Variants in UBE4B observed in about 807,000 individuals in gnomAD.
UBE4B encodes the protein ubiquitin conjugation factor E4 B.
A neutral mutation model predicts 148.1 loss-of-function variants in UBE4B; 27 were observed. The ratio of observed to expected loss-of-function variants is 0.18; its 90% CI spans 0.13 to 0.25. The LOEUF is 0.25. Ranked by LOEUF, UBE4B falls within the 10% of genes least tolerant of loss-of-function variation. UBE4B has a pLI of 1.00. For synonymous variants in UBE4B, 596 were observed against 619.3 expected (o/e 0.96, Z 0.56); for missense variants, 1,170 against 1,662.4 (o/e 0.70, Z 5.15).
At position 10,129,395 on chromosome 1, in the gene UBE4B, C is replaced by G. The variant is rs1318897112; in HGVS notation, c.1642C>G (p.Leu548Val). Residue 548 changes from leucine to valine, a missense_variant, in exon 12 of 28, where the codon CTA becomes GTA. Around this residue, in one of 6 missense-constraint regions of UBE4B, gnomAD observed 388 missense variants for 536.0 expected, o/e 0.72. Transcript: ENST00000343090. ...ATGACTCTGATCTTATTTCTAGGCA[C>G]TAGGTGAGCTCTGTGAAACCAAGTT... ...SDYFKYPLMALGELCETKFGK... is the reference protein window; with the variant it reads ...SDYFKYPLMAVGELCETKFGK... 1 of 1,611,424 alleles carries G rather than the reference C, an allele frequency of 6.2e-7. No homozygotes were observed. The highest frequency in any genetic ancestry group is 2.2e-5 in the East Asian group (1 of 44,808).
chr1:10,069,638 G>A (rs1644450319), intron 1 of UBE4B, among the ~76,000 whole-genome samples: 1 of 152,112 alleles, frequency 6.6e-6, no homozygotes. Context: ...AGGTTCAAGC[G>A]ATTCTCCTGC....
At chr1:10,039,081 C>A (rs995500831) in intron 1 of UBE4B, among the ~76,000 whole-genome samples, 4 of 150,038 alleles carry the variant, frequency 2.7e-5, no homozygotes, top group Non-Finnish European at 5.9e-5. Context: ...AACAAAAAAA[C>A]ACACACACAG....
chr1:10,137,356 G>T, intron 17 of UBE4B, 151 bp downstream of exon 17: 2 of 1,013,278 alleles, frequency 2.0e-6, no homozygotes, highest in Non-Finnish European at 2.9e-6. Context: ...CATCCATGTT[G>T]CTCAGTTGTC....
At chr1:10,084,783 C>CA (rs1312059392) in intron 2 of UBE4B, among the ~76,000 whole-genome samples, 4 of 151,576 alleles carry the variant, frequency 2.6e-5, no homozygotes, top group Admixed American at 6.6e-5. Flanking sequence ...CTGTAGCCTC[C>CA]ACCTCCCAGG....
intron 2 of UBE4B, among the ~76,000 whole-genome samples, chr1:10,075,023 T>C (rs932370820): frequency 6.6e-6 from 1 of 152,188 alleles, no homozygotes; most frequent in African/African-American, 2.4e-5. Context: ...ACATTTTATC[T>C]TCTCCCAGGT....
rs1203546347 is a variant in UBE4B at position 10,180,756 on chromosome 1, G to A, written c.*800G>A. Reference sequence around the variant, plus strand: ...TGCAGCAAAATCTAGGGGTGTAAGTGTATCAGGACTTATGTGACTTATATT... The same window carrying A: ...TGCAGCAAAATCTAGGGGTGTAAGTATATCAGGACTTATGTGACTTATATT... On this transcript the variant is annotated 3_prime_UTR_variant, in exon 28 of 28. Coordinates refer to ENST00000343090, the MANE Select transcript of UBE4B (RefSeq NM_001105562.3). The A allele has an allele frequency of 3.3e-5, 5 of 151,962 alleles. No homozygotes were observed. The East Asian group carries it at 7.7e-4, about 23-fold the overall frequency. The allele number at this position is 151,962 out of a possible 1,614,324, so 9.4% of individuals were successfully genotyped here.
chr1:10,101,053 G>A (rs1645002258), intron 3 of UBE4B, 55 bp from the exon 4 acceptor site: 5 of 1,500,678 alleles, frequency 3.3e-6, no homozygotes, highest in Non-Finnish European at 3.7e-6. Context: ...CAGCTACAGT[G>A]ACATTGTGCG....
intron 7 of UBE4B, among the ~76,000 whole-genome samples, chr1:10,108,609 A>G (rs2101899217): frequency 1.3e-5 from 2 of 152,324 alleles, no homozygotes; most frequent in Non-Finnish European, 2.9e-5. Context: ...CAGGCTATAA[A>G]TAGAGACTGC....
In UBE4B at chr1:10,106,805, C is replaced by T. The variant is rs964547328; in HGVS notation, c.1196+222C>T. On this transcript the variant is annotated intron_variant, in intron 7 of 27. Transcript: ENST00000343090. The surrounding 1 kb of genome is among the most constrained non-coding windows in gnomAD (Gnocchi z 4.2). ...TGGGTTGCTCTATTCTATTGTGAATCCCTTTCTTCCCTTTGAGAGTTGGGG... is the reference window on the plus strand; with the variant it reads ...TGGGTTGCTCTATTCTATTGTGAATTCCTTTCTTCCCTTTGAGAGTTGGGG... Among the ~76,000 whole-genome samples the T allele has an allele frequency of 6.6e-6, 1 of 152,138 alleles. No homozygotes were observed. The highest frequency in any genetic ancestry group is 1.5e-5 in the Non-Finnish European group (1 of 68,028).
At chr1:10,076,891 C>A (rs532770558) in intron 2 of UBE4B, among the ~76,000 whole-genome samples, 1 of 151,366 alleles carries the variant, frequency 6.6e-6, no homozygotes. Context: ...GGATTACAGG[C>A]GCCTGCCACC....
chr1:10,080,289 G>A (rs1427531390), intron 2 of UBE4B, among the ~76,000 whole-genome samples: 2 of 151,834 alleles, frequency 1.3e-5, no homozygotes, highest in Admixed American at 6.6e-5. Context: ...GCATGGTGGC[G>A]GGTGCCTGTA....
At position 10,130,710 on chromosome 1, in the gene UBE4B, T is replaced by G; in HGVS notation, c.1813-5T>G. ...GTTGACTGCATTTTTTCCTTCTCTT[T>G]CCAGGTTAAAGTGGTTGAAAAATAC... On this transcript the variant is annotated splice_region_variant and splice_polypyrimidine_tract_variant and intron_variant, in intron 13 of 27. Coordinates refer to ENST00000343090, the MANE Select transcript of UBE4B (RefSeq NM_001105562.3). 6.2e-7 allele frequency: 1 copy of G among 1,614,094 alleles called. No individual in the cohort carries two copies. The highest frequency in any genetic ancestry group is 8.5e-7 in the Non-Finnish European group (1 of 1,179,974).
At chr1:10,134,319 T>TG (rs1645642563) in intron 15 of UBE4B, among the ~76,000 whole-genome samples, 1 of 152,004 alleles carries the variant, frequency 6.6e-6, no homozygotes, top group African/African-American at 2.4e-5. Context: ...GAGACCAGCC[T>TG]GGCCAATATG....
At chr1:10,139,686 C>T (rs1346725409) in intron 17 of UBE4B, among the ~76,000 whole-genome samples, 1 of 151,996 alleles carries the variant, frequency 6.6e-6, no homozygotes, top group Non-Finnish European at 1.5e-5. Flanking sequence ...ATTTTAATGT[C>T]TGTAGGATCC....
At chr1:10,148,986 AC>A (rs1332557454) in intron 19 of UBE4B, among the ~76,000 whole-genome samples, 197 bp from the exon 20 acceptor site, 1 of 152,014 alleles carries the variant, frequency 6.6e-6, no homozygotes, top group African/African-American at 2.4e-5. Flanking sequence ...TTTCACACAT[AC>A]CCTTGCATAT....
chr1:10,144,636 G>A (rs1455393020), intron 17 of UBE4B, among the ~76,000 whole-genome samples: 3 of 151,658 alleles, frequency 2.0e-5, no homozygotes, highest in Admixed American at 2.0e-4. Flanking sequence ...TTGGGAGTTT[G>A]AGGCAGGAGA....
At chr1:10,179,204 A>T (rs1365094682) in intron 26 of UBE4B, 1 of 589,584 alleles carries the variant, frequency 1.7e-6, no homozygotes, top group South Asian at 2.6e-5. Flanking sequence ...CCCTCCCCCC[A>T]GCAGTAGCTG....
chr1:10,100,068 C>T lies in UBE4B; in HGVS notation c.348-1040C>T, dbSNP rs141070462. Among the ~76,000 whole-genome samples the T allele has an allele frequency of 5.6e-3, 854 of 152,028 alleles. 11 individuals are homozygous for T. Among genetic ancestry groups the T allele is most frequent in the African/African-American group, 0.018 (766 of 41,482 alleles). Reference sequence around the variant, plus strand: ...GCAGTGGCGCAGTCTTGGCTCACTGCGAGCTCTGCCTCCCGGGTTCAGGCC... The same window carrying T: ...GCAGTGGCGCAGTCTTGGCTCACTGTGAGCTCTGCCTCCCGGGTTCAGGCC... On this transcript the variant is annotated intron_variant, in intron 3 of 27. Transcript: ENST00000343090.
chr1:10,105,432 T>C, intron 5 of UBE4B, 84 bp from the exon 6 acceptor site: 1 of 1,187,128 alleles, frequency 8.4e-7, no homozygotes, highest in South Asian at 1.3e-5. Flanking sequence ...ATCGAACCAT[T>C]TGGGGTCAGC....
Sources: gnomAD v4.1 joint callset for allele counts (sites outside exome capture counted in the v4.1 genomes callset) on GRCh38, gnomAD v4.1.1 for gene constraint, gnomAD v4.1.1 regional missense constraint, Gnocchi (gnomAD v3.1) non-coding constraint, MANE v1.5 for transcripts, NCBI Gene and HGNC (gene_info 2026-07-23, HGNC 2026-07-21) for gene names.